Variants in ARHGEF33 observed in about 807,000 individuals in gnomAD.
The protein encoded by ARHGEF33 is DH and coiled-coil domain-containing protein ENSP00000381780.
ARHGEF33 carries 72 observed loss-of-function variants against 101.9 expected under a neutral mutation model. The observed-to-expected ratio is 0.71, with a 90% confidence interval of 0.58 to 0.86. The LOEUF is 0.86. ARHGEF33 is among the 40% of genes least tolerant of loss of function. The probability of loss-of-function intolerance (pLI) is 0.00; values close to 1 mark genes in which losing one functional copy is unlikely to be tolerated. For missense variants in ARHGEF33, 1,169 were observed against 1,111.3 expected, an observed-to-expected ratio of 1.05 and a Z score of -0.74; for synonymous variants, 499 against 442.5, an observed-to-expected ratio of 1.13 and a Z score of -1.60.
In ARHGEF33 at chr2:38,929,771, A is replaced by C; in HGVS notation, c.303A>C (p.Gln101His). Residue 101 changes from glutamine (Q) to histidine (H), a missense_variant, in exon 6 of 18, where the codon CAA (glutamine) becomes CAC (histidine). Coordinates refer to ENST00000409978, the MANE Select transcript of ARHGEF33 (RefSeq NM_001145451.5). ...QAITSKQEEM[Q>H]QKIEQLQQEK... ...TCACTTCCAAACAAGAAGAAATGCA[A>C]CAGAAAATCGAGCAGCTTCAACAGG... The C allele has an allele frequency of 6.4e-7, 1 of 1,551,904 alleles. No individual in the cohort carries two copies. Among genetic ancestry groups the C allele is most frequent in the South Asian group, 1.2e-5 (1 of 84,064 alleles).
At chr2:38,962,527 C>A (rs1667967410) in intron 16 of ARHGEF33, among the ~76,000 whole-genome samples, 1 of 152,024 alleles carries the variant, frequency 6.6e-6, no homozygotes, top group African/African-American at 2.4e-5. Flanking sequence ...CACATACTGG[C>A]CAGCAAGTTT....
At chr2:38,918,383 A>G (rs1350902605) in intron 2 of ARHGEF33, among the ~76,000 whole-genome samples, 2 of 152,206 alleles carry the variant, frequency 1.3e-5, no homozygotes, top group African/African-American at 2.4e-5. Context: ...TCATGTATCT[A>G]TCATGCCTTA....
In ARHGEF33 at chr2:38,973,922, A is replaced by G; in HGVS notation, c.*79A>G. The G allele has an allele frequency of 2.0e-5, 17 of 838,312 alleles. No homozygotes were observed. The highest frequency in any genetic ancestry group is 2.6e-5 in the Non-Finnish European group (17 of 647,998). 51.9% of individuals were successfully genotyped at this position (838,312 alleles called of 1,614,324 possible). A position where few individuals can be genotyped will look rare whatever the true frequency, so the allele number is the denominator to read the frequency against. On this transcript the variant is annotated 3_prime_UTR_variant, in exon 18 of 18. Transcript: ENST00000409978. ...TATATCTGTGTAGGAATATATATATATATCTATATCTATATATATATATAT... is the reference window on the plus strand; with the variant it reads ...TATATCTGTGTAGGAATATATATATGTATCTATATCTATATATATATATAT...
intron 2 of ARHGEF33, among the ~76,000 whole-genome samples, chr2:38,917,381 C>T (rs374073965): frequency 2.0e-4 from 30 of 152,118 alleles, no homozygotes; most frequent in South Asian, 4.1e-4. Flanking sequence ...CATGAGCCAC[C>T]GCATCGAGCC....
intron 1 of ARHGEF33, among the ~76,000 whole-genome samples, chr2:38,892,012 C>T (rs1666015934): frequency 6.6e-6 from 1 of 152,120 alleles, no homozygotes; most frequent in African/African-American, 2.4e-5. Context: ...CATGCCTTTA[C>T]TGACAAAAAG....
intron 2 of ARHGEF33, among the ~76,000 whole-genome samples, chr2:38,913,857 A>T (rs1265138329): frequency 6.6e-6 from 1 of 152,180 alleles, no homozygotes; most frequent in East Asian, 1.9e-4. Context: ...AATATTGCAT[A>T]TAACAAATAA....
intron 17 of ARHGEF33, among the ~76,000 whole-genome samples, chr2:38,972,277 A>T (rs529906929): frequency 6.6e-6 from 1 of 152,134 alleles, no homozygotes; most frequent in Non-Finnish European, 1.5e-5. Flanking sequence ...GGTAAGGGGG[A>T]TCTGTGAAAG....
At chr2:38,905,224 C>T (rs1257715634) in intron 2 of ARHGEF33, among the ~76,000 whole-genome samples, 1 of 151,674 alleles carries the variant, frequency 6.6e-6, no homozygotes, top group African/African-American at 2.4e-5. Context: ...CCTTAAAGAC[C>T]TGAATACTAA....
intron 5 of ARHGEF33, 44 bp downstream of exon 5, chr2:38,929,115 C>G (rs1457028843): frequency 6.8e-7 from 1 of 1,473,562 alleles, no homozygotes; most frequent in East Asian, 2.5e-5. Flanking sequence ...GAATTTTGGT[C>G]TCAGTAACAG....
chr2:38,931,310 A>T (rs1023163230), intron 7 of ARHGEF33, 59 bp downstream of exon 7: 7 of 1,423,724 alleles, frequency 4.9e-6, no homozygotes, highest in Non-Finnish European at 6.6e-6. Context: ...TCCCCCAATT[A>T]AGAATGGGCT....
intron 15 of ARHGEF33, chr2:38,959,518 AAG>A (rs1667858059): frequency 3.9e-6 from 1 of 253,778 alleles, no homozygotes; most frequent in South Asian, 1.5e-4. Context: ...CAAGGGAGAG[AAG>A]AGAGTTGAAG....
intron 2 of ARHGEF33, among the ~76,000 whole-genome samples, chr2:38,899,376 T>C (rs1666194064): frequency 6.6e-6 from 1 of 152,156 alleles, no homozygotes; most frequent in Non-Finnish European, 1.5e-5. Context: ...TAAGGAGATA[T>C]GCCATGTTTA....
chr2:38,953,817 C>A (rs1667672148), intron 12 of ARHGEF33, among the ~76,000 whole-genome samples: 1 of 152,226 alleles, frequency 6.6e-6, no homozygotes, highest in South Asian at 2.1e-4. Context: ...GTTTCTACTT[C>A]AACCCCCCAC....
At chr2:38,900,902 C>A (rs552203261) in intron 2 of ARHGEF33, among the ~76,000 whole-genome samples, 1 of 152,110 alleles carries the variant, frequency 6.6e-6, no homozygotes, top group Non-Finnish European at 1.5e-5. Context: ...AGGAGGCTCC[C>A]GAGAGCAGTA....
rs1276849310 is a variant in ARHGEF33 at position 38,959,946 on chromosome 2, G to T, written c.1641G>T (p.Glu547Asp). The T allele has an allele frequency of 1.9e-6, 3 of 1,551,602 alleles. No homozygotes were observed. Among genetic ancestry groups the T allele is most frequent in the Admixed American group, 3.9e-5 (2 of 51,014 alleles). ...GGGAGCTGGAGGGCAGGAAGCACGA[G>T]CGGCCCGAGAGCCTTCTGGCACCGA... The part of the protein sequence containing the change: ...SDWELEGRKH[E>D]RPESLLAPTQ... Residue 547 changes from glutamate to aspartate, a missense_variant, in exon 16 of 18, where the codon GAG becomes GAT. By Grantham distance (45) the Glu-to-Asp change is conservative. Transcript: ENST00000409978.
chr2:38,918,420 G>C (rs2124990598), intron 2 of ARHGEF33, among the ~76,000 whole-genome samples: 1 of 152,238 alleles, frequency 6.6e-6, no homozygotes, highest in East Asian at 1.9e-4. Context: ...AAAGAACCTG[G>C]CGTTTTCAGC....
rs911497788 is a variant in ARHGEF33, at chr2:38,957,822, C to A, written c.1371-212C>A. 11 of 566,510 alleles carry A rather than the reference C, an allele frequency of 1.9e-5. No homozygotes were observed. The Admixed American group carries it at 2.4e-4, about 13-fold the overall frequency. 35.1% of individuals were successfully genotyped at this position (566,510 alleles called of 1,614,324 possible). A position where few individuals can be genotyped will look rare whatever the true frequency, so the allele number is the denominator to read the frequency against. On this transcript the variant is annotated intron_variant, in intron 14 of 17. Coordinates refer to ENST00000409978, the MANE Select transcript of ARHGEF33 (RefSeq NM_001145451.5). ...TCTCCATACCCCCAACCCCTTCCCC[C>A]AAGCTCTTTTCAGCCAGTGAATCAG...
At chr2:38,966,373 C>T (rs1355598768) in intron 17 of ARHGEF33, among the ~76,000 whole-genome samples, 1 of 152,182 alleles carries the variant, frequency 6.6e-6, no homozygotes, top group Non-Finnish European at 1.5e-5. Flanking sequence ...TCTTTTATCC[C>T]TCCTTCCTTG....
Position 38,917,389 on chromosome 2 carries a change from G to A in ARHGEF33, c.-85-1974G>A, listed in dbSNP as rs140982345. ...TTACAGGCATGAGCCACCGCATCGA[G>A]CCCATAATGAAGTCTTAAATCAACT... On this transcript the variant is annotated intron_variant, in intron 2 of 17. Coordinates refer to ENST00000409978, the MANE Select transcript of ARHGEF33 (RefSeq NM_001145451.5). Among the ~76,000 whole-genome samples, 296 of 152,192 alleles carry A rather than the reference G, an allele frequency of 1.9e-3. 3 individuals carry two copies. The highest frequency in any genetic ancestry group is 0.019 in the Admixed American group (284 of 15,288).
Sources: gnomAD v4.1 joint callset for allele counts (sites outside exome capture counted in the v4.1 genomes callset) on GRCh38, gnomAD v4.1.1 for gene constraint, MANE v1.5 for transcripts, NCBI Gene and HGNC (gene_info 2026-07-23, HGNC 2026-07-21) for gene names.